GFM2: variants seen among roughly 807,000 people sequenced by gnomAD.
The protein encoded by GFM2 is ribosome-releasing factor 2, mitochondrial.
GFM2 carries 72 observed loss-of-function variants against 95.4 expected under a neutral mutation model. The observed-to-expected ratio is 0.76, with a 90% CI of 0.62 to 0.92. The LOEUF (loss-of-function observed/expected upper bound fraction) is 0.92, where lower values mean the gene tolerates loss of function less well. Among genes scored for constraint, GFM2 ranks in the 40% least tolerant of loss-of-function variants. The probability of loss-of-function intolerance (pLI) is 0.00; values close to 1 mark genes in which losing one functional copy is unlikely to be tolerated. For missense variants in GFM2, 825 were observed against 924.1 expected (o/e 0.89, Z 1.39); for synonymous variants, 276 against 317.5 (o/e 0.87, Z 1.39).
Position 74,740,015 on chromosome 5 carries a change from T to C in GFM2, c.1053A>G (p.Ser351=), listed in dbSNP as rs762931936. 11 of 1,571,774 alleles carry C rather than the reference T, an allele frequency of 7.0e-6. No individual in the cohort carries two copies. Among genetic ancestry groups the C allele is most frequent in the Non-Finnish European group, 6.0e-6 (7 of 1,162,750 alleles). Residue 351 remains serine (S), a synonymous_variant, in exon 12 of 21, where the codon TCA becomes TCG. Transcript: ENST00000296805. ...LLDAVTMYLP[S]PEERNYEFLQ... ...GAAATTCATAGTTACGCTCTTCAGG[T>C]GAAGGTAAGTACATAGTAACAGCAT...
chr5:74,736,985 T>G lies in GFM2; in HGVS notation c.1321A>C (p.Thr441Pro). 1 of 1,612,918 alleles carries G rather than the reference T, an allele frequency of 6.2e-7. No individual in the cohort carries two copies. The highest frequency in any genetic ancestry group is 8.5e-7 in the Non-Finnish European group (1 of 1,179,530). Residue 441 changes from threonine (T) to proline (P), a missense_variant and splice_region_variant, in exon 15 of 21, where the codon ACT becomes CCT. Transcript: ENST00000296805. Reference protein sequence around the residue: ...NIALTVGLKHTATGDTIVSSK... With the variant: ...NIALTVGLKHPATGDTIVSSK... ...GAGACAATGGTGTCTCCAGTGGCAG[T>G]CTGCAAGCAAACAAGATGACTTGGA...
At chr5:74,750,977 G>A (rs142185473) in intron 6 of GFM2, among the ~76,000 whole-genome samples, 2 of 152,200 alleles carry the variant, frequency 1.3e-5, no homozygotes, top group East Asian at 3.9e-4. Context: ...GCTACAATAT[G>A]AGAAAATTTG....
rs766023651 is a variant in GFM2 at position 74,739,970 on chromosome 5, TA to T, written c.1079+18del. The T allele has an allele frequency of 4.3e-5, 62 of 1,451,618 alleles. No individual in the cohort carries two copies. Among genetic ancestry groups the T allele is most frequent in the Non-Finnish European group, 5.5e-5 (60 of 1,096,246 alleles). 89.9% of individuals were successfully genotyped at this position (1,451,618 alleles called of 1,614,324 possible). A position where few individuals can be genotyped will look rare whatever the true frequency, so the allele number is the denominator to read the frequency against. On this transcript the variant is annotated intron_variant, in intron 12 of 20. Transcript: ENST00000296805. ...TCTTCAAAGCTATAGAATTTTAATA[TA>T]TGTGATTGCATACTTACAGAAATTC...
chr5:74,741,753 G>C, intron 10 of GFM2, 144 bp from the exon 11 acceptor site: 2 of 461,906 alleles, frequency 4.3e-6, no homozygotes, highest in East Asian at 7.0e-5. Flanking sequence ...TTCTTCTAAA[G>C]AGATAAAGAA....
rs981331880 is a variant in GFM2, at chr5:74,738,763, T to A, written c.1080-121A>T. ...AGTAGAGCTACTTAGAGCCACTAAA[T>A]AATGTCTTTGTTACGTAACTCTCTT... is the stretch of plus-strand genomic sequence containing the variant. On this transcript the variant is annotated intron_variant, in intron 12 of 20. Transcript: ENST00000296805. 3.5e-6 allele frequency: 3 copies of A among 845,514 alleles called. No individual in the cohort carries two copies. The African/African-American group carries it at 5.4e-5, about 15-fold the overall frequency. The allele number at this position is 845,514 out of a possible 1,614,324, so 52.4% of individuals were successfully genotyped here. A position where few individuals can be genotyped will look rare whatever the true frequency, so the allele number is the denominator to read the frequency against.
intron 10 of GFM2, 73 bp from the exon 11 acceptor site, chr5:74,741,682 A>C (rs761721541): frequency 1.4e-4 from 102 of 730,748 alleles, no homozygotes; most frequent in Admixed American, 9.2e-4. Flanking sequence ...CAAACACCAT[A>C]AACAGACAAT....
At chr5:74,762,816 T>A (rs1043525228) in intron 2 of GFM2, among the ~76,000 whole-genome samples, 1 of 152,162 alleles carries the variant, frequency 6.6e-6, no homozygotes, top group South Asian at 2.1e-4. Context: ...TGGGATTAAG[T>A]GGGATGGCAT....
At chr5:74,757,378 T>C (rs189729898) in intron 5 of GFM2, among the ~76,000 whole-genome samples, 1 of 152,256 alleles carries the variant, frequency 6.6e-6, no homozygotes, top group Admixed American at 6.5e-5. Context: ...ATGACTTTTG[T>C]AGGTGATTTT....
rs189998377 is a variant in GFM2 at position 74,741,814 on chromosome 5, G to A, written c.850-205C>T. 1.3e-3 allele frequency: 498 copies of A among 374,590 alleles called. 1 individual carries two copies. The highest frequency in any genetic ancestry group is 9.1e-3 in the African/African-American group (431 of 47,474). 23.2% of individuals were successfully genotyped at this position (374,590 alleles called of 1,614,324 possible). ...AAATGGAAAACTAAAGATACTATTA[G>A]GAGTTTCCTAAATTCACAGAAAGCC... On this transcript the variant is annotated intron_variant, in intron 10 of 20. Coordinates refer to ENST00000296805, the MANE Select transcript of GFM2 (RefSeq NM_032380.5).
At chr5:74,740,819 A>G (rs1225492382) in intron 11 of GFM2, among the ~76,000 whole-genome samples, 1 of 152,188 alleles carries the variant, frequency 6.6e-6, no homozygotes, top group African/African-American at 2.4e-5. Flanking sequence ...GCTCAATAAC[A>G]TGTTTCAGCT....
Position 74,767,058 on chromosome 5 carries a change from A to C in GFM2, c.-145T>G. On this transcript the variant is annotated 5_prime_UTR_variant, in exon 1 of 21. Coordinates refer to ENST00000296805, the MANE Select transcript of GFM2 (RefSeq NM_032380.5). ...TCGACGCCAGCCTAGGCAAAAGGCA[A>C]TGTATCTAAACGAAAAGAAAATAGG... is the stretch of plus-strand genomic sequence containing the variant. The C allele has an allele frequency of 2.7e-6, 1 of 377,074 alleles. No individual in the cohort carries two copies. The highest frequency in any genetic ancestry group is 3.9e-5 in the South Asian group (1 of 25,378). 23.4% of individuals were successfully genotyped at this position (377,074 alleles called of 1,614,324 possible).
At chr5:74,744,409 C>G (rs1265368203) in intron 10 of GFM2, among the ~76,000 whole-genome samples, 2 of 150,890 alleles carry the variant, frequency 1.3e-5, no homozygotes, top group African/African-American at 4.9e-5. Context: ...AAAATGAATG[C>G]TGAATAAATT....
chr5:74,762,206 A>G (rs894119085), intron 2 of GFM2, among the ~76,000 whole-genome samples: 19 of 152,202 alleles, frequency 1.2e-4, no homozygotes, highest in Non-Finnish European at 2.2e-4. Flanking sequence ...AAAAAACTGT[A>G]GACGAATGGT....
intron 3 of GFM2, among the ~76,000 whole-genome samples, 154 bp downstream of exon 3, chr5:74,760,748 A>G (rs1744238565): frequency 6.6e-6 from 1 of 152,192 alleles, no homozygotes; most frequent in African/African-American, 2.4e-5. Flanking sequence ...TCTGGCACCT[A>G]TCTGAACACT....
chr5:74,738,850 C>T (rs1404319775), intron 12 of GFM2, among the ~76,000 whole-genome samples: 3 of 152,072 alleles, frequency 2.0e-5, no homozygotes, highest in African/African-American at 7.2e-5. Context: ...CTAAAAATAA[C>T]AGATTCTCTT....
At chr5:74,722,233 A>G (rs1749928527) in intron 20 of GFM2, 146 bp downstream of exon 20, 4 of 690,438 alleles carry the variant, frequency 5.8e-6, no homozygotes, top group African/African-American at 1.8e-5. Context: ...AGTCCTAACC[A>G]TTCCTGCTGG....
intron 12 of GFM2, 130 bp downstream of exon 12, chr5:74,739,859 T>C (rs1312137518): frequency 4.9e-5 from 30 of 615,304 alleles, no homozygotes; most frequent in Non-Finnish European, 7.9e-5. Flanking sequence ...TATGATTCCT[T>C]ATTACATCAT....
intron 1 of GFM2, among the ~76,000 whole-genome samples, chr5:74,765,435 T>C (rs1345648954): frequency 6.6e-6 from 1 of 151,904 alleles, no homozygotes; most frequent in Non-Finnish European, 1.5e-5. Context: ...TAGGGTGCTG[T>C]AGAGAAGAAT....
intron 19 of GFM2, among the ~76,000 whole-genome samples, chr5:74,723,019 C>T (rs1561232518): frequency 6.6e-6 from 1 of 151,540 alleles, no homozygotes. Context: ...ATTTCAAAGG[C>T]CAAGAAGAAC....
Sources: allele counts gnomAD v4.1 joint callset (sites outside exome capture counted in the v4.1 genomes callset), GRCh38; gene constraint gnomAD v4.1.1; transcripts MANE v1.5; gene names NCBI Gene and HGNC (gene_info 2026-07-23, HGNC 2026-07-21).